The following KANSL1 variants were observed in gnomAD, a reference collection of about 807,000 sequenced individuals.
The protein encoded by KANSL1 is MLL1/MLL complex subunit KANSL1.
In KANSL1, 22 loss-of-function variants were observed where a neutral mutation model predicts 103.6. The observed-to-expected ratio is 0.21, with a 90% CI of 0.15 to 0.30. The LOEUF (loss-of-function observed/expected upper bound fraction) is 0.30, where lower values mean the gene tolerates loss of function less well. Ranked by LOEUF, KANSL1 falls within the 10% of genes least tolerant of loss-of-function variation. The probability of loss-of-function intolerance (pLI) is 1.00; values close to 1 mark genes in which losing one functional copy is unlikely to be tolerated. For missense variants in KANSL1, 1,337 were observed against 1,399.8 expected (o/e 0.96, Z 0.72); for synonymous variants, 600 against 527.6 (o/e 1.14, Z -1.88).
intron 1 of KANSL1, among the ~76,000 whole-genome samples, chr17:46,216,806 A>G (rs950921643): frequency 6.6e-6 from 1 of 152,056 alleles, no homozygotes; most frequent in Admixed American, 6.5e-5. Flanking sequence ...CCCAAAAGAG[A>G]TATGTAGTAC....
At chr17:46,118,733 T>C (rs2043150225) in intron 2 of KANSL1, among the ~76,000 whole-genome samples, 1 of 152,216 alleles carries the variant, frequency 6.6e-6, no homozygotes, top group African/African-American at 2.4e-5. Context: ...GAGATTCCAT[T>C]AATGGGGGAG....
intron 2 of KANSL1, chr17:46,156,893 T>C (rs372215531): frequency 1.9e-5 from 2 of 108,044 alleles, no homozygotes; most frequent in Non-Finnish European, 4.8e-5. Flanking sequence ...AGTGAGACTC[T>C]ATCTCCAAAA....
At chr17:46,066,773 G>C in intron 5 of KANSL1, 41 bp from the exon 6 acceptor site, 5 of 1,423,698 alleles carry the variant, frequency 3.5e-6, no homozygotes, top group Non-Finnish European at 4.8e-6. Context: ...AACACACAAA[G>C]AAACAAAATA....
At chr17:46,086,719 C>G (rs2079177734) in intron 3 of KANSL1, among the ~76,000 whole-genome samples, 1 of 152,070 alleles carries the variant, frequency 6.6e-6, no homozygotes, top group Admixed American at 6.6e-5. Context: ...TTTGGGAAGC[C>G]AATGGAGGAG....
At chr17:46,092,728 G>GGGT (rs2079453800) in intron 3 of KANSL1, 1 of 50,356 alleles carries the variant, frequency 2.0e-5, no homozygotes, top group Non-Finnish European at 4.0e-5. Flanking sequence ...GGGGGGGGGG[G>GGGT]GAGGGTGGGT....
At chr17:46,186,300 A>G (rs2047031510) in intron 1 of KANSL1, among the ~76,000 whole-genome samples, 2 of 151,682 alleles carry the variant, frequency 1.3e-5, no homozygotes, top group South Asian at 2.1e-4. Flanking sequence ...GGAGAATGGC[A>G]TGAACCCAGG....
At chr17:46,195,799 G>A (rs764866865), upstream of KANSL1, among the ~76,000 whole-genome samples, 1 of 152,082 alleles carries the variant, frequency 6.6e-6, no homozygotes, top group Non-Finnish European at 1.5e-5. Context: ...TCCTGGACTC[G>A]AGTGCTGGCA....
At chr17:46,188,560 G>C (rs1030825888) in intron 1 of KANSL1, among the ~76,000 whole-genome samples, 2 of 152,232 alleles carry the variant, frequency 1.3e-5, no homozygotes, top group African/African-American at 4.8e-5. Context: ...AGGCAAGCCA[G>C]GTGTCTGGGG....
intron 2 of KANSL1, among the ~76,000 whole-genome samples, chr17:46,137,010 TC>T (rs2044179330): frequency 6.6e-6 from 1 of 152,276 alleles, no homozygotes; most frequent in African/African-American, 2.4e-5. Flanking sequence ...AAAACACTTC[TC>T]TTGAACACAT....
chr17:46,140,732 T>G (rs1045002015), intron 2 of KANSL1, among the ~76,000 whole-genome samples: 8 of 152,120 alleles, frequency 5.3e-5, no homozygotes, highest in Non-Finnish European at 1.0e-4. Flanking sequence ...GCAAAGGATC[T>G]CCAAAGAAGA....
intron 7 of KANSL1, among the ~76,000 whole-genome samples, chr17:46,046,489 C>CCACT (rs1052260540): frequency 1.4e-5 from 2 of 138,490 alleles, no homozygotes; most frequent in Non-Finnish European, 3.0e-5. Flanking sequence ...AAAAACCACA[C>CCACT]CACTGCATTC....
chr17:46,075,228 T>C (rs1299370515), intron 4 of KANSL1, among the ~76,000 whole-genome samples: 1 of 152,232 alleles, frequency 6.6e-6, no homozygotes, highest in Non-Finnish European at 1.5e-5. Context: ...AGTTCAATGT[T>C]AATTTCAATG....
At chr17:46,142,362 C>T (rs551288799) in intron 2 of KANSL1, among the ~76,000 whole-genome samples, 1 of 152,354 alleles carries the variant, frequency 6.6e-6, no homozygotes, top group South Asian at 2.1e-4. Flanking sequence ...TGCCTGTAAT[C>T]ACAGCACTTT....
At chr17:46,044,939 A>G (rs1232083291) in intron 7 of KANSL1, 3 of 152,128 alleles carry the variant, frequency 2.0e-5, no homozygotes, top group African/African-American at 7.2e-5. Context: ...CATTCAAACA[A>G]TTTTCTGCCT....
rs34418861 is a variant in KANSL1, at chr17:46,049,240, C to CTTTT, written c.2020+1289_2020+1292dup. 7.8e-3 allele frequency among the ~76,000 whole-genome samples: 591 copies of CTTTT among 75,796 alleles called. 12 individuals carry two copies. The highest frequency in any genetic ancestry group is 9.0e-3 in the Non-Finnish European group (376 of 41,884). The allele number at this position is 75,796 out of a possible 152,430, so 49.7% of individuals were successfully genotyped here. ...ATTTGTTGTCCCCACCATCCAAGACCTTTTTTTTTTTTTTTTTTTTTTTTT... is the reference window on the plus strand; with the variant it reads ...ATTTGTTGTCCCCACCATCCAAGACCTTTTTTTTTTTTTTTTTTTTTTTTTTTTT... On this transcript the variant is annotated intron_variant, in intron 7 of 14. Transcript: ENST00000432791.
At chr17:46,047,802 T>TAAAAAAA (rs66740033) in intron 7 of KANSL1, among the ~76,000 whole-genome samples, 2 of 120,158 alleles carry the variant, frequency 1.7e-5, no homozygotes, top group Non-Finnish European at 3.6e-5. Context: ...AAATAAAAAT[T>TAAAAAAA]AAAAAAAAAA....
intron 3 of KANSL1, among the ~76,000 whole-genome samples, chr17:46,087,217 C>T (rs72628322): frequency 0.033 from 5,097 of 152,254 alleles, 148 homozygotes; most frequent in East Asian, 0.16. Context: ...CATTTGAATA[C>T]ACATTAGTTT....
At chr17:46,121,683 G>A (rs2043287507) in intron 2 of KANSL1, among the ~76,000 whole-genome samples, 1 of 150,534 alleles carries the variant, frequency 6.6e-6, no homozygotes, top group South Asian at 2.1e-4. Flanking sequence ...CACCCCACTA[G>A]AAAATAAATG....
chr17:46,032,232 G>A lies in KANSL1; in HGVS notation c.2905C>T (p.Pro969Ser). Reference sequence around the variant, plus strand: ...CTACTGCTGACATCAGGGGAGGCAGGCTGGGGGGTGGAGGGGTTGGCACTG... The same window carrying A: ...CTACTGCTGACATCAGGGGAGGCAGACTGGGGGGTGGAGGGGTTGGCACTG... ...LGSANPSTPQ[P>S]ASPDVSSSHS... The change falls in exon 14 of 15, where the codon CCT becomes TCT. Residue 969 changes from proline to serine, a missense_variant. Pro to Ser is a moderately conservative substitution (Grantham distance 74). Around this residue, in one of 2 missense-constraint regions of KANSL1, gnomAD observed 780 missense variants for 923.4 expected, o/e 0.84. Coordinates refer to ENST00000432791, the MANE Select transcript of KANSL1 (RefSeq NM_015443.4). 2 of 1,578,960 alleles carry A rather than the reference G, an allele frequency of 1.3e-6. No individual in the cohort carries two copies. The highest frequency in any genetic ancestry group is 1.7e-6 in the Non-Finnish European group (2 of 1,159,306).
Sources: allele counts gnomAD v4.1 joint callset (sites outside exome capture counted in the v4.1 genomes callset), GRCh38; gene constraint gnomAD v4.1.1; regional missense constraint gnomAD v4.1.1; transcripts MANE v1.5; gene names NCBI Gene and HGNC (gene_info 2026-07-23, HGNC 2026-07-21).